Variants in ADGRL3 observed in about 807,000 individuals in gnomAD.
The protein encoded by ADGRL3 is adhesion G protein-coupled receptor L3.
In ADGRL3, 62 loss-of-function variants were observed where a neutral mutation model predicts 153.5. That is an observed-to-expected ratio of 0.40 (90% CI 0.33 to 0.50). ADGRL3 has a LOEUF of 0.50. Among genes scored for constraint, ADGRL3 ranks in the 20% least tolerant of loss-of-function variants. The pLI, the probability that ADGRL3 is intolerant of heterozygous loss-of-function variation, is 0.47. For synonymous variants in ADGRL3, 710 were observed against 672.5 expected, an observed-to-expected ratio of 1.06 and a Z score of -0.86; for missense variants, 1,641 against 1,859.4, an observed-to-expected ratio of 0.88 and a Z score of 2.16.
chr4:61,339,362 AT>A (rs1010883265), intron 1 of ADGRL3, among the ~76,000 whole-genome samples: 4 of 152,190 alleles, frequency 2.6e-5, no homozygotes, highest in African/African-American at 9.6e-5. Flanking sequence ...GTTTTGTTTT[AT>A]TTTGATAATT....
chr4:62,014,678 A>C (rs2099203170), intron 21 of ADGRL3, among the ~76,000 whole-genome samples: 1 of 152,188 alleles, frequency 6.6e-6, no homozygotes, highest in Non-Finnish European at 1.5e-5. Context: ...TGTTATACAT[A>C]AATCTTGAGA....
intron 9 of ADGRL3, among the ~76,000 whole-genome samples, chr4:61,864,785 T>C (rs2098383910): frequency 6.6e-6 from 1 of 152,210 alleles, no homozygotes; most frequent in South Asian, 2.1e-4. Flanking sequence ...TTAAATTTAC[T>C]GAGCTGAGGG....
intron 1 of ADGRL3, among the ~76,000 whole-genome samples, chr4:61,368,008 A>G (rs1362903722): frequency 6.6e-6 from 1 of 150,464 alleles, no homozygotes; most frequent in African/African-American, 2.5e-5. Flanking sequence ...GCATTTTTTC[A>G]TGTGTTTTTT....
chr4:61,768,067 A>C (rs996254915), intron 8 of ADGRL3, among the ~76,000 whole-genome samples: 1 of 152,008 alleles, frequency 6.6e-6, no homozygotes, highest in African/African-American at 2.4e-5. Context: ...GGTTGCTGCC[A>C]AACGAGCCAT....
chr4:61,456,476 T>TCTATATATATATAA (rs2097755795), intron 2 of ADGRL3, among the ~76,000 whole-genome samples: 3 of 125,278 alleles, frequency 2.4e-5, no homozygotes, highest in East Asian at 2.8e-4. Flanking sequence ...TATATCTATA[T>TCTATATATATATAA]CTATATATAT....
At chr4:61,338,962 C>G (rs181964502) in intron 1 of ADGRL3, among the ~76,000 whole-genome samples, 1 of 152,220 alleles carries the variant, frequency 6.6e-6, no homozygotes, top group East Asian at 1.9e-4. Context: ...TCATGTTTTA[C>G]ACATGAAAAG....
chr4:61,388,967 A>T (rs2096772369), intron 2 of ADGRL3, among the ~76,000 whole-genome samples: 1 of 152,208 alleles, frequency 6.6e-6, no homozygotes, highest in South Asian at 2.1e-4. Flanking sequence ...TTACCACATT[A>T]CACAAAATTT....
rs576813052 is a variant in ADGRL3 at position 61,877,011 on chromosome 4, A to G, written c.1481-15645A>G. Among the ~76,000 whole-genome samples, 5 of 152,138 alleles carry G rather than the reference A, an allele frequency of 3.3e-5. No individual in the cohort carries two copies. In the East Asian group the frequency reaches 9.7e-4, roughly 29 times the overall value. On this transcript the variant is annotated intron_variant, in intron 9 of 26. Coordinates refer to ENST00000683033, the MANE Select transcript of ADGRL3 (RefSeq NM_001387552.1). Reference sequence around the variant, plus strand: ...AACCCAGGATGATTAGAAGAGAAAGAGCAAAGGTGAGGAGCTCAAGTGGAG... The same window carrying G: ...AACCCAGGATGATTAGAAGAGAAAGGGCAAAGGTGAGGAGCTCAAGTGGAG...
intron 17 of ADGRL3, among the ~76,000 whole-genome samples, chr4:61,971,606 T>C (rs71608815): frequency 0.19 from 28,487 of 150,866 alleles, 3,251 homozygotes; most frequent in East Asian, 0.43. Flanking sequence ...TGAATAGTGC[T>C]GCAGTAAACA....
chr4:62,016,783 T>C (rs998498001), intron 21 of ADGRL3, among the ~76,000 whole-genome samples: 5 of 152,110 alleles, frequency 3.3e-5, no homozygotes, highest in South Asian at 2.1e-4. Flanking sequence ...TTGTAATAAC[T>C]GGTATCTTTA....
At chr4:61,435,531 A>G (rs1284079640) in intron 2 of ADGRL3, among the ~76,000 whole-genome samples, 1 of 152,108 alleles carries the variant, frequency 6.6e-6, no homozygotes, top group Non-Finnish European at 1.5e-5. Flanking sequence ...AGGTTGGTTC[A>G]GGTTTCTGTA....
At chr4:61,569,399 G>A (rs1384308676) in intron 4 of ADGRL3, among the ~76,000 whole-genome samples, 1 of 152,104 alleles carries the variant, frequency 6.6e-6, no homozygotes, top group African/African-American at 2.4e-5. Flanking sequence ...TCCCAAAAAG[G>A]AAAGCTCTAC....
At chr4:61,788,538 C>T (rs1042497706) in intron 8 of ADGRL3, among the ~76,000 whole-genome samples, 1 of 152,134 alleles carries the variant, frequency 6.6e-6, no homozygotes, top group African/African-American at 2.4e-5. Context: ...TGAACAGCAG[C>T]CCTTGAGCCC....
intron 2 of ADGRL3, among the ~76,000 whole-genome samples, chr4:61,448,389 ATGAGTGTGTTT>A (rs2097614632): frequency 6.6e-6 from 1 of 152,190 alleles, no homozygotes; most frequent in Non-Finnish European, 1.5e-5. Context: ...GTGGTTAAGA[ATGAGTGTGTTT>A]TGGCTTGAAT....
At chr4:61,373,591 G>A (rs950610997) in intron 1 of ADGRL3, among the ~76,000 whole-genome samples, 2 of 152,088 alleles carry the variant, frequency 1.3e-5, no homozygotes, top group African/African-American at 2.4e-5. Flanking sequence ...ATTAAAATCA[G>A]CATCAATTAA....
chr4:61,497,971 C>T (rs2098339971), intron 3 of ADGRL3, among the ~76,000 whole-genome samples: 1 of 152,060 alleles, frequency 6.6e-6, no homozygotes, highest in Non-Finnish European at 1.5e-5. Flanking sequence ...GGAAAATCAG[C>T]TGAAATATTA....
In ADGRL3 at chr4:61,813,825, A is replaced by T; in HGVS notation, c.1416A>T (p.Gly472=). 6.3e-7 allele frequency: 1 copy of T among 1,578,064 alleles called. No individual in the cohort carries two copies. Among genetic ancestry groups the T allele is most frequent in the African/African-American group, 1.3e-5 (1 of 74,302 alleles). The change falls in exon 9 of 27, where the codon GGA becomes GGT. Residue 472 remains glycine, a synonymous_variant. Coordinates refer to ENST00000683033, the MANE Select transcript of ADGRL3 (RefSeq NM_001387552.1). ...GGTCCACAGGGCAGGCACATCATGG[A>T]CAAGTTTCATACATTTCTCCGCCAA... is the stretch of plus-strand genomic sequence containing the variant. The part of the protein sequence containing the change: ...LDSRSGQAHH[G]QVSYISPPIH...
intron 8 of ADGRL3, among the ~76,000 whole-genome samples, chr4:61,788,836 T>C (rs2097307233): frequency 6.6e-6 from 1 of 152,178 alleles, no homozygotes. Flanking sequence ...GGAAACTAAT[T>C]AGTGCTTTTT....
intron 9 of ADGRL3, among the ~76,000 whole-genome samples, chr4:61,863,157 CTGAAG>C (rs1179194738): frequency 1.3e-5 from 2 of 151,730 alleles, no homozygotes; most frequent in Non-Finnish European, 2.9e-5. Flanking sequence ...GCATGATACC[CTGAAG>C]TGACTAACAT....
Sources: gnomAD v4.1 joint callset for allele counts (sites outside exome capture counted in the v4.1 genomes callset) on GRCh38, gnomAD v4.1.1 for gene constraint, MANE v1.5 for transcripts, NCBI Gene and HGNC (gene_info 2026-07-23, HGNC 2026-07-21) for gene names.